NPAS3: variants seen among roughly 807,000 people sequenced by gnomAD.
NPAS3 encodes neuronal PAS domain protein 3.
NPAS3 carries 14 observed loss-of-function variants against 73.1 expected under a neutral mutation model. That is an observed-to-expected ratio of 0.19 (90% CI 0.13 to 0.30). The LOEUF (loss-of-function observed/expected upper bound fraction) is 0.30. Among genes scored for constraint, NPAS3 ranks in the 10% least tolerant of loss-of-function variants. The pLI, the probability that NPAS3 is intolerant of heterozygous loss-of-function variation, is 1.00. For synonymous variants in NPAS3, 620 were observed against 541.5 expected (o/e 1.14, Z -2.01); for missense variants, 1,096 against 1,250.0 (o/e 0.88, Z 1.86).
chr14:33,055,650 A>C (rs969221898), intron 1 of NPAS3, among the ~76,000 whole-genome samples: 7 of 151,980 alleles, frequency 4.6e-5, no homozygotes, highest in African/African-American at 1.7e-4. Flanking sequence ...TTCCACTTTT[A>C]TGACTCTGAG....
intron 5 of NPAS3, among the ~76,000 whole-genome samples, chr14:33,627,008 T>C (rs529580051): frequency 1.1e-4 from 16 of 152,112 alleles, no homozygotes; most frequent in Non-Finnish European, 1.9e-4. Context: ...AGAATTTGAG[T>C]ATTATATATA....
At chr14:33,645,045 C>G (rs1257387693) in intron 5 of NPAS3, among the ~76,000 whole-genome samples, 4 of 147,850 alleles carry the variant, frequency 2.7e-5, no homozygotes, top group Non-Finnish European at 4.4e-5. Context: ...TGCACCACCA[C>G]ACTCCAGCCT....
At chr14:32,945,619 C>T (rs1002670745) in intron 1 of NPAS3, among the ~76,000 whole-genome samples, 2 of 152,136 alleles carry the variant, frequency 1.3e-5, no homozygotes, top group African/African-American at 4.8e-5. Context: ...GAAGGGCCTG[C>T]GTTTTCAGAC....
rs150635243 is a variant in NPAS3, at chr14:33,648,311, C to G, written c.559-27900C>G. On this transcript the variant is annotated intron_variant, in intron 5 of 11. Transcript: ENST00000356141. The stretch of plus-strand genomic sequence containing the variant: ...AAATTGCTACAAGCTGACTTTAGGT[C>G]CATTGAAAACTTAGGTCCAAATAAT... 2.6e-4 allele frequency among the ~76,000 whole-genome samples: 40 copies of G among 152,258 alleles called. No homozygotes were observed. In the East Asian group the frequency reaches 7.3e-3, roughly 28 times the overall value.
At chr14:33,023,554 A>G (rs2039683008) in intron 1 of NPAS3, among the ~76,000 whole-genome samples, 1 of 152,220 alleles carries the variant, frequency 6.6e-6, no homozygotes, top group Admixed American at 6.5e-5. Context: ...AATGCATTAT[A>G]AAGGTGGATT....
At chr14:33,601,739 T>C (rs2057404558) in intron 5 of NPAS3, among the ~76,000 whole-genome samples, 1 of 152,208 alleles carries the variant, frequency 6.6e-6, no homozygotes, top group Admixed American at 6.5e-5. Context: ...ACTTAATACT[T>C]TATTTAAAAA....
At chr14:33,024,946 G>A (rs2039749623) in intron 1 of NPAS3, among the ~76,000 whole-genome samples, 1 of 152,112 alleles carries the variant, frequency 6.6e-6, no homozygotes, top group East Asian at 1.9e-4. Flanking sequence ...GTATAGTTTT[G>A]CCATTAAAAT....
intron 6 of NPAS3, among the ~76,000 whole-genome samples, chr14:33,712,235 G>T (rs1268984769): frequency 6.6e-6 from 1 of 152,146 alleles, no homozygotes; most frequent in African/African-American, 2.4e-5. Flanking sequence ...GATTGCTTCT[G>T]TACCACGTTC....
chr14:33,528,638 G>A (rs945061639), intron 4 of NPAS3, among the ~76,000 whole-genome samples: 8 of 152,112 alleles, frequency 5.3e-5, no homozygotes, highest in Non-Finnish European at 7.4e-5. Flanking sequence ...CCCAGCGCCT[G>A]CTTAACCAGG....
chr14:33,643,870 T>C (rs1339020612), intron 5 of NPAS3, among the ~76,000 whole-genome samples: 3 of 151,744 alleles, frequency 2.0e-5, no homozygotes, highest in Non-Finnish European at 4.4e-5. Flanking sequence ...TTTGAAAACA[T>C]GCAAATTGGG....
chr14:33,051,419 T>C (rs936581524), intron 1 of NPAS3, among the ~76,000 whole-genome samples: 6 of 152,170 alleles, frequency 3.9e-5, no homozygotes, highest in African/African-American at 1.4e-4. Context: ...TGTAACATAG[T>C]AGTATACTCA....
intron 1 of NPAS3, among the ~76,000 whole-genome samples, chr14:33,044,004 T>C (rs903848796): frequency 1.4e-4 from 22 of 152,334 alleles, no homozygotes; most frequent in Non-Finnish European, 2.8e-4. Flanking sequence ...TTGACTCTTA[T>C]GTAATATTTG....
At chr14:33,346,509 C>T (rs528278617) in intron 3 of NPAS3, among the ~76,000 whole-genome samples, 2 of 114,928 alleles carry the variant, frequency 1.7e-5, no homozygotes, top group East Asian at 5.5e-4. Flanking sequence ...GCCTGGATGA[C>T]ACAGTGAGAC....
intron 6 of NPAS3, among the ~76,000 whole-genome samples, chr14:33,721,207 C>T (rs543940995): frequency 4.6e-5 from 7 of 152,138 alleles, no homozygotes; most frequent in African/African-American, 1.7e-4. Flanking sequence ...ACCTTTAAGA[C>T]CACCTCTGTC....
In NPAS3 at chr14:33,550,239, G is replaced by A. The variant is rs142797436; in HGVS notation, c.469-9882G>A. Among the ~76,000 whole-genome samples, 261 of 152,100 alleles carry A rather than the reference G, an allele frequency of 1.7e-3. 1 individual carries two copies. Among genetic ancestry groups the A allele is most frequent in the Middle Eastern group, 0.014 (4 of 294 alleles). On this transcript the variant is annotated intron_variant, in intron 4 of 11. Transcript: ENST00000356141. ...TTACTATGTTGTTCAGGCTGGCCTC[G>A]AACTCCTGGGCTCACACGATTCTCC...
At chr14:33,018,241 C>T (rs2138236602) in intron 1 of NPAS3, among the ~76,000 whole-genome samples, 1 of 152,262 alleles carries the variant, frequency 6.6e-6, no homozygotes, top group Middle Eastern at 3.4e-3. Context: ...TGTCTTAAAA[C>T]ATTTGAAGGG....
chr14:33,012,552 CT>C (rs35569383), intron 1 of NPAS3, among the ~76,000 whole-genome samples: 557 of 141,680 alleles, frequency 3.9e-3, no homozygotes, highest in Admixed American at 4.1e-3. Context: ...AAAGTCATAT[CT>C]TTTTTTTTTT....
chr14:33,320,383 A>G (rs2043389017), intron 3 of NPAS3, among the ~76,000 whole-genome samples: 1 of 152,186 alleles, frequency 6.6e-6, no homozygotes, highest in African/African-American at 2.4e-5. Flanking sequence ...GCACATGTAT[A>G]CATATGTAAC....
rs190318871 is a variant in NPAS3, at chr14:33,185,152, G to A, written c.141-30030G>A. Among the ~76,000 whole-genome samples the A allele has an allele frequency of 3.3e-5, 5 of 152,066 alleles. No homozygotes were observed. The East Asian group carries it at 5.8e-4, about 18-fold the overall frequency. On this transcript the variant is annotated intron_variant, in intron 2 of 11. Coordinates refer to ENST00000356141, the Ensembl canonical transcript of NPAS3. ...TGCTAGCCTTTTCAGGATTCTTATC[G>A]TGAATGCTTCTAGTACAGTGGAAGA...
Sources: allele counts gnomAD v4.1 joint callset (sites outside exome capture counted in the v4.1 genomes callset), GRCh38; gene constraint gnomAD v4.1.1; transcripts MANE v1.5; gene names NCBI Gene and HGNC (gene_info 2026-07-23, HGNC 2026-07-21).